PRKG1: variants seen among roughly 807,000 people sequenced by gnomAD.
PRKG1 encodes the protein protein kinase cGMP-dependent 1.
PRKG1 carries 35 observed loss-of-function variants against 88.1 expected under a neutral mutation model. The ratio of observed to expected loss-of-function variants is 0.40; its 90% CI spans 0.30 to 0.53. The LOEUF (loss-of-function observed/expected upper bound fraction) is 0.53. Ranked by LOEUF, PRKG1 falls within the 20% of genes least tolerant of loss-of-function variation. The pLI, the probability that PRKG1 is intolerant of heterozygous loss-of-function variation, is 0.59. For missense variants in PRKG1, 540 were observed against 839.8 expected, an observed-to-expected ratio of 0.64 and a Z score of 4.41; for synonymous variants, 303 against 292.5, an observed-to-expected ratio of 1.04 and a Z score of -0.37.
chr10:51,980,605 G>T (rs1006705832), intron 5 of PRKG1, among the ~76,000 whole-genome samples: 1 of 152,170 alleles, frequency 6.6e-6, no homozygotes, highest in Non-Finnish European at 1.5e-5. Flanking sequence ...TTGTTATTGT[G>T]TTGGAGTCTA....
At position 51,512,562 on chromosome 10, in the gene PRKG1, T is replaced by C. The variant is rs1442589799; in HGVS notation, c.592+44726T>C. Among the ~76,000 whole-genome samples, 393 of 88,008 alleles carry C rather than the reference T, an allele frequency of 4.5e-3. 4 individuals are homozygous for C. The highest frequency in any genetic ancestry group is 0.016 in the African/African-American group (367 of 22,432). The allele number at this position is 88,008 out of a possible 152,430, so 57.7% of individuals were successfully genotyped here. ...TGGCTGCATAGTATTCCATGGTGTA[T>C]ATGTGCCACATTTTCTTAATCCAGT... On this transcript the variant is annotated intron_variant, in intron 3 of 17. Coordinates refer to ENST00000373980, the MANE Select transcript of PRKG1 (RefSeq NM_006258.4).
At chr10:52,033,690 G>A (rs1412997959) in intron 5 of PRKG1, among the ~76,000 whole-genome samples, 1 of 152,086 alleles carries the variant, frequency 6.6e-6, no homozygotes, top group Non-Finnish European at 1.5e-5. Flanking sequence ...GGGGAGGGAG[G>A]ATTATGAAAG....
chr10:52,150,180 A>T (rs183663667), intron 8 of PRKG1, among the ~76,000 whole-genome samples: 11,466 of 137,048 alleles, frequency 0.084, 1,015 homozygotes, highest in African/African-American at 0.23. Context: ...TAATAATAAT[A>T]ATAATTTGAT....
chr10:51,850,710 G>T (rs959037273), intron 4 of PRKG1, among the ~76,000 whole-genome samples: 1 of 152,040 alleles, frequency 6.6e-6, no homozygotes, highest in Non-Finnish European at 1.5e-5. Flanking sequence ...AAAGCAGATA[G>T]TTTTTAAACG....
intron 1 of PRKG1, among the ~76,000 whole-genome samples, chr10:51,142,344 A>G (rs1338219808): frequency 6.6e-6 from 1 of 152,190 alleles, no homozygotes; most frequent in Non-Finnish European, 1.5e-5. Flanking sequence ...TTTGAACTAT[A>G]GAATTATTGT....
At chr10:51,933,820 A>G (rs548798186) in intron 5 of PRKG1, among the ~76,000 whole-genome samples, 1 of 152,296 alleles carries the variant, frequency 6.6e-6, no homozygotes, top group South Asian at 2.1e-4. Flanking sequence ...AGAAGATTTT[A>G]CATTGCTTTC....
In PRKG1 at chr10:51,392,841, G is replaced by A. The variant is rs545927911; in HGVS notation, c.479-74882G>A. 6.1e-5 allele frequency among the ~76,000 whole-genome samples: 9 copies of A among 147,414 alleles called. No homozygotes were observed. In the South Asian group the frequency reaches 6.5e-4, roughly 11 times the overall value. On this transcript the variant is annotated intron_variant, in intron 2 of 17. Coordinates refer to ENST00000373980, the MANE Select transcript of PRKG1 (RefSeq NM_006258.4). ...CCCCCACCTCCCTCCCAGACAGGGC[G>A]GCTGGCCGGGCTGGGGGCTGACCCC... is the stretch of plus-strand genomic sequence containing the variant.
At chr10:51,238,139 T>G (rs1461376309) in intron 2 of PRKG1, among the ~76,000 whole-genome samples, 1 of 152,140 alleles carries the variant, frequency 6.6e-6, no homozygotes, top group African/African-American at 2.4e-5. Context: ...GCTGCTTAAG[T>G]TAGAAGCATG....
At chr10:51,207,253 A>G (rs1392125387) in intron 2 of PRKG1, among the ~76,000 whole-genome samples, 1 of 152,166 alleles carries the variant, frequency 6.6e-6, no homozygotes, top group Non-Finnish European at 1.5e-5. Flanking sequence ...AAGGAAAAAA[A>G]TTATCTTGAT....
At chr10:52,251,013 G>A (rs745515544) in intron 9 of PRKG1, among the ~76,000 whole-genome samples, 2 of 151,968 alleles carry the variant, frequency 1.3e-5, no homozygotes, top group African/African-American at 2.4e-5. Context: ...CATCCATTTC[G>A]GACATTTGTA....
chr10:51,522,949 G>C (rs1308491642), intron 3 of PRKG1, among the ~76,000 whole-genome samples: 1 of 152,182 alleles, frequency 6.6e-6, no homozygotes, highest in Non-Finnish European at 1.5e-5. Flanking sequence ...GGTCCTTACA[G>C]TCTTATTTAA....
At chr10:51,398,640 G>T (rs1057262949) in intron 2 of PRKG1, among the ~76,000 whole-genome samples, 1 of 152,204 alleles carries the variant, frequency 6.6e-6, no homozygotes. Context: ...AACTTGACTA[G>T]GTCACAGTGT....
intron 6 of PRKG1, among the ~76,000 whole-genome samples, chr10:52,056,889 T>G (rs899504373): frequency 6.6e-6 from 1 of 152,036 alleles, no homozygotes; most frequent in Admixed American, 6.6e-5. Flanking sequence ...AAGCAGAAGG[T>G]GAGGTCAGCA....
chr10:51,072,092 G>A (rs1449053689), upstream of PRKG1, among the ~76,000 whole-genome samples: 1 of 152,108 alleles, frequency 6.6e-6, no homozygotes, highest in Non-Finnish European at 1.5e-5. Flanking sequence ...CTACTCCGGA[G>A]GCTGAGGCAG....
intron 2 of PRKG1, among the ~76,000 whole-genome samples, chr10:51,369,000 A>C (rs1273456626): frequency 6.6e-6 from 1 of 152,132 alleles, no homozygotes; most frequent in Non-Finnish European, 1.5e-5. Flanking sequence ...TCATAACACC[A>C]GAAAAAAATC....
intron 9 of PRKG1, among the ~76,000 whole-genome samples, chr10:52,188,542 G>T (rs1346057513): frequency 6.6e-6 from 1 of 151,040 alleles, no homozygotes; most frequent in African/African-American, 2.4e-5. Context: ...ATCTTAATGT[G>T]CATTGGAATA....
chr10:52,128,358 T>C, intron 7 of PRKG1: 2 of 985,438 alleles, frequency 2.0e-6, no homozygotes, highest in Non-Finnish European at 2.4e-6. Flanking sequence ...ATTCTGTGTT[T>C]GTTCCCCTGA....
intron 1 of PRKG1, among the ~76,000 whole-genome samples, chr10:51,136,962 C>T (rs372960859): frequency 2.0e-5 from 3 of 151,914 alleles, no homozygotes; most frequent in Non-Finnish European, 2.9e-5. Context: ...AGTGCAGTGG[C>T]GCCATCTTGC....
rs369403363 is a variant in PRKG1, at chr10:51,735,879, A to T, written c.593-68706A>T. Among the ~76,000 whole-genome samples, 393 of 44,772 alleles carry T rather than the reference A, an allele frequency of 8.8e-3. 4 individuals are homozygous for T. The highest frequency in any genetic ancestry group is 0.045 in the African/African-American group (359 of 8,046). 29.4% of individuals were successfully genotyped at this position (44,772 alleles called of 152,430 possible). Reference sequence around the variant, plus strand: ...CATATATATATATATATATATATATATGTATATTTATTTATTTATTTATTT... The same window carrying T: ...CATATATATATATATATATATATATTTGTATATTTATTTATTTATTTATTT... On this transcript the variant is annotated intron_variant, in intron 3 of 17. Coordinates refer to ENST00000373980, the MANE Select transcript of PRKG1 (RefSeq NM_006258.4).
Sources: allele counts gnomAD v4.1 joint callset (sites outside exome capture counted in the v4.1 genomes callset), GRCh38; gene constraint gnomAD v4.1.1; transcripts MANE v1.5; gene names NCBI Gene and HGNC (gene_info 2026-07-23, HGNC 2026-07-21).